Variants in SLC36A1 observed in about 807,000 individuals in gnomAD.
SLC36A1 encodes solute carrier family 36 member 1.
A neutral mutation model predicts 47.5 loss-of-function variants in SLC36A1; 30 were observed. The ratio of observed to expected loss-of-function variants is 0.63; its 90% CI spans 0.47 to 0.86. The LOEUF is 0.86. Among genes scored for constraint, SLC36A1 ranks in the 40% least tolerant of loss-of-function variants. SLC36A1 has a pLI of 0.00. For synonymous variants in SLC36A1, 255 were observed against 249.7 expected (o/e 1.02, Z -0.20); for missense variants, 517 against 606.0 (o/e 0.85, Z 1.54).
At chr5:151,477,721 A>G (rs1257116679) in intron 9 of SLC36A1, 2 of 152,238 alleles carry the variant, frequency 1.3e-5, no homozygotes, top group Non-Finnish European at 2.9e-5. Flanking sequence ...TAATTGGCAT[A>G]TCCATCTTGT....
the SLC36A1 span, among the ~76,000 whole-genome samples, chr5:151,542,125 G>C: frequency 6.6e-5 from 10 of 152,218 alleles, no homozygotes; most frequent in African/African-American, 2.2e-4. Context: ...TGCATGCCAA[G>C]TCTATAGGTG....
At chr5:151,368,642 G>T in the SLC36A1 span, among the ~76,000 whole-genome samples, 1 of 152,006 alleles carries the variant, frequency 6.6e-6, no homozygotes, top group Admixed American at 6.6e-5. Context: ...CCTTTTTTTG[G>T]TTGTCCTCTG....
At chr5:151,402,895 C>T in the SLC36A1 span, among the ~76,000 whole-genome samples, 1 of 152,048 alleles carries the variant, frequency 6.6e-6, no homozygotes, top group Non-Finnish European at 1.5e-5. Flanking sequence ...GGTCTTCTCT[C>T]TTTTTCATTA....
At chr5:151,461,088 A>G (rs544865205) in intron 2 of SLC36A1, among the ~76,000 whole-genome samples, 11 of 151,716 alleles carry the variant, frequency 7.3e-5, no homozygotes, top group African/African-American at 2.7e-4. Context: ...CCTGGGCTCA[A>G]GTGATCCTCC....
upstream of SLC36A1, among the ~76,000 whole-genome samples, chr5:151,436,011 A>G (rs1442035477): frequency 2.0e-5 from 3 of 152,134 alleles, no homozygotes; most frequent in Non-Finnish European, 4.4e-5. Flanking sequence ...AATTATTACT[A>G]GTGCCCCTGC....
chr5:151,515,043 T>C, the SLC36A1 span, among the ~76,000 whole-genome samples: 2 of 152,184 alleles, frequency 1.3e-5, no homozygotes, highest in Non-Finnish European at 2.9e-5. Context: ...TTCTTTCCTG[T>C]CCCTTTTCCG....
the SLC36A1 span, chr5:151,542,912 C>T: frequency 1.2e-6 from 2 of 1,614,118 alleles, no homozygotes; most frequent in African/African-American, 2.7e-5. Flanking sequence ...AGGGAGAAGA[C>T]ACCATCCTTG....
chr5:151,534,606 C>T, the SLC36A1 span: 1 of 1,614,038 alleles, frequency 6.2e-7, no homozygotes, highest in Non-Finnish European at 8.5e-7. Context: ...CACATCCTTC[C>T]TTTCTCGGTC....
chr5:151,414,938 A>G, the SLC36A1 span, among the ~76,000 whole-genome samples: 2 of 152,144 alleles, frequency 1.3e-5, no homozygotes, highest in Non-Finnish European at 2.9e-5. Context: ...CTCCAGCTCC[A>G]GAAGGGGCAG....
downstream of SLC36A1, among the ~76,000 whole-genome samples, chr5:151,496,110 G>A (rs114674616): frequency 0.013 from 1,914 of 152,232 alleles, 40 homozygotes; most frequent in African/African-American, 0.043. Flanking sequence ...GGAGGGACCC[G>A]GTGGGAGGTG....
the SLC36A1 span, chr5:151,532,067 C>T: frequency 4.0e-6 from 6 of 1,496,200 alleles, 1 homozygote; most frequent in South Asian, 5.1e-5. Context: ...TGGGGAGGGG[C>T]TCCCATGAAG....
intron 5 of SLC36A1, 45 bp from the exon 6 acceptor site, chr5:151,467,154 T>G: frequency 1.4e-6 from 2 of 1,397,030 alleles, no homozygotes; most frequent in Non-Finnish European, 2.0e-6. Flanking sequence ...GAGCATTGCA[T>G]TTGTATTGTA....
In SLC36A1 at chr5:151,488,243, G is replaced by A. The variant is rs1209687095; in HGVS notation, c.1420G>A (p.Ala474Thr). 1 of 1,613,994 alleles carries A rather than the reference G, an allele frequency of 6.2e-7. No homozygotes were observed. Among genetic ancestry groups the A allele is most frequent in the South Asian group, 1.1e-5 (1 of 91,070 alleles). The change falls in exon 11 of 11, where the codon GCC becomes ACC. Residue 474 changes from alanine to threonine, a missense_variant. Physicochemically the swap from Ala to Thr is moderately conservative, Grantham distance 58. Transcript: ENST00000243389. ...NAPIFINSTC[A>T]FI ...TCCCATCTTCATCAATTCCACCTGT[G>A]CCTTCATATAGGGATCTGGGTTCGT...
intron 2 of SLC36A1, among the ~76,000 whole-genome samples, chr5:151,462,167 A>G (rs1030024534): frequency 1.3e-5 from 2 of 152,222 alleles, no homozygotes; most frequent in Admixed American, 6.5e-5. Context: ...ATCCAGTACC[A>G]TGAGCTTGAT....
the SLC36A1 span, chr5:151,543,746 A>G: frequency 6.2e-7 from 1 of 1,614,236 alleles, no homozygotes; most frequent in Non-Finnish European, 8.5e-7. Context: ...GTTGCTCGGA[A>G]GACTCCATCA....
chr5:151,344,906 A>T, the SLC36A1 span, among the ~76,000 whole-genome samples: 6 of 152,146 alleles, frequency 3.9e-5, no homozygotes, highest in Admixed American at 1.3e-4. Flanking sequence ...AACAGGTCGG[A>T]TGACTGGGTC....
chr5:151,496,806 A>G (rs560552845), downstream of SLC36A1, among the ~76,000 whole-genome samples: 36 of 152,286 alleles, frequency 2.4e-4, no homozygotes, highest in Non-Finnish European at 3.8e-4. Flanking sequence ...CCTTCCTGAC[A>G]CTATTTGTTA....
At chr5:151,523,007 TGACTTA>T in the SLC36A1 span, among the ~76,000 whole-genome samples, 1 of 152,212 alleles carries the variant, frequency 6.6e-6, no homozygotes. Flanking sequence ...ACTTCCTGCC[TGACTTA>T]GAAAGGACAG....
At chr5:151,540,806 A>G in the SLC36A1 span, 3 of 1,563,648 alleles carry the variant, frequency 1.9e-6, no homozygotes, top group African/African-American at 4.1e-5. Flanking sequence ...AGCAATAGGA[A>G]TGAACTAGGC....
Sources: allele counts gnomAD v4.1 joint callset (sites outside exome capture counted in the v4.1 genomes callset), GRCh38; gene constraint gnomAD v4.1.1; transcripts MANE v1.5; gene names NCBI Gene and HGNC (gene_info 2026-07-23, HGNC 2026-07-21).